Variants in GSE1 observed in about 807,000 individuals in gnomAD.
The protein encoded by GSE1 is Gse1 coiled-coil protein.
A neutral mutation model predicts 112.6 loss-of-function variants in GSE1; 32 were observed. The observed-to-expected ratio is 0.28, with a 90% CI of 0.21 to 0.38. GSE1 has a LOEUF of 0.38. Ranked by LOEUF, GSE1 falls within the 10% of genes least tolerant of loss-of-function variation. GSE1 has a pLI of 1.00. For missense variants in GSE1, 2,348 were observed against 1,699.2 expected, an observed-to-expected ratio of 1.38 and a Z score of -6.71; for synonymous variants, 1,115 against 735.6, an observed-to-expected ratio of 1.52 and a Z score of -8.35.
intron 8 of GSE1, among the ~76,000 whole-genome samples, chr16:85,658,784 G>T (rs2052185769): frequency 6.6e-6 from 1 of 150,834 alleles, no homozygotes; most frequent in African/African-American, 2.4e-5. Flanking sequence ...ACATCAGGGT[G>T]CCCTGACTCC....
intron 2 of GSE1, among the ~76,000 whole-genome samples, chr16:85,429,457 G>C (rs951220862): frequency 2.0e-5 from 3 of 152,204 alleles, no homozygotes; most frequent in African/African-American, 7.2e-5. Flanking sequence ...GCAGAGGCAG[G>C]CACAGCTGTG....
chr16:85,628,966 T>C (rs1381745122), intron 1 of GSE1, among the ~76,000 whole-genome samples: 2 of 152,114 alleles, frequency 1.3e-5, no homozygotes, highest in African/African-American at 4.8e-5. Context: ...AGTGATTGGA[T>C]CATGGGGGTG....
intron 2 of GSE1, among the ~76,000 whole-genome samples, chr16:85,447,523 G>T (rs901489738): frequency 6.6e-6 from 1 of 152,208 alleles, no homozygotes; most frequent in Non-Finnish European, 1.5e-5. Flanking sequence ...GCTGGCTCAC[G>T]CAGGTGCTCA....
chr16:85,372,859 G>A (rs2047332150), intron 2 of GSE1, among the ~76,000 whole-genome samples: 1 of 152,170 alleles, frequency 6.6e-6, no homozygotes, highest in Non-Finnish European at 1.5e-5. Flanking sequence ...CCTCCCCCTT[G>A]TTGCAGATGA....
intron 1 of GSE1, among the ~76,000 whole-genome samples, chr16:85,631,616 A>G (rs2049546124): frequency 1.3e-5 from 2 of 152,234 alleles, no homozygotes; most frequent in Non-Finnish European, 2.9e-5. Context: ...TGGGACTGGC[A>G]TCTGTCCTCG....
chr16:85,466,433 GC>G (rs2050123316), intron 2 of GSE1, among the ~76,000 whole-genome samples: 1 of 152,224 alleles, frequency 6.6e-6, no homozygotes, highest in East Asian at 1.9e-4. Context: ...GCCAGGCTCT[GC>G]CCCTGAGATT....
chr16:85,424,144 T>C (rs1178822470), intron 2 of GSE1, among the ~76,000 whole-genome samples: 1 of 152,264 alleles, frequency 6.6e-6, no homozygotes, highest in Non-Finnish European at 1.5e-5. Flanking sequence ...AAGAAAGCTC[T>C]TGTCCTCCTA....
In GSE1 at chr16:85,506,462, G is replaced by T. The variant is rs547994370; in HGVS notation, c.2465-127452G>T. On this transcript the variant is annotated intron_variant, in intron 2 of 2. Transcript: ENST00000637419. ...GGGTCCACCAGGGAGGGAGGGAAGG[G>T]TTCTTCCAGGAAAAGGGGGCAAGAC... 5.3e-5 allele frequency among the ~76,000 whole-genome samples: 8 copies of T among 152,156 alleles called. 1 individual carries two copies. Among genetic ancestry groups the T allele is most frequent in the Non-Finnish European group, 7.4e-5 (5 of 68,002 alleles).
chr16:85,196,028 C>G lies in GSE1; in HGVS notation c.2283+24221C>G, dbSNP rs927495758. On this transcript the variant is annotated intron_variant, in intron 1 of 2. Coordinates refer to the GSE1 transcript ENST00000637419. ...GGAGTCGGGGGCAGCACCCGATAAC[C>G]AAACACGGTCATGTTTCTGCTGCAA... 3.3e-5 allele frequency among the ~76,000 whole-genome samples: 5 copies of G among 152,304 alleles called. No individual in the cohort carries two copies. In the East Asian group the frequency reaches 9.6e-4, roughly 29 times the overall value.
intron 2 of GSE1, among the ~76,000 whole-genome samples, chr16:85,542,928 T>A (rs1290455518): frequency 1.3e-5 from 2 of 152,194 alleles, no homozygotes; most frequent in African/African-American, 2.4e-5. Flanking sequence ...GTAAATGCCC[T>A]TAAGAATGTC....
intron 1 of GSE1, among the ~76,000 whole-genome samples, chr16:85,195,607 C>T (rs573953240): frequency 2.0e-5 from 3 of 152,304 alleles, no homozygotes; most frequent in East Asian, 1.9e-4. Context: ...TTGGGTCCCC[C>T]CTGCTAATCC....
At chr16:85,496,151 G>A (rs1309041371) in intron 2 of GSE1, among the ~76,000 whole-genome samples, 3 of 152,194 alleles carry the variant, frequency 2.0e-5, no homozygotes, top group African/African-American at 4.8e-5. Flanking sequence ...CGAGCCTGCG[G>A]TGACAGTGAC....
chr16:85,633,327 G>A, intron 1 of GSE1, among the ~76,000 whole-genome samples: 1 of 152,154 alleles, frequency 6.6e-6, no homozygotes, highest in East Asian at 1.9e-4. Flanking sequence ...GGTCTGCCCT[G>A]AGTGCCCGCG....
intron 2 of GSE1, among the ~76,000 whole-genome samples, chr16:85,378,792 C>T (rs894840361): frequency 7.2e-5 from 11 of 152,144 alleles, no homozygotes; most frequent in African/African-American, 2.4e-4. Flanking sequence ...TCCCCACCTT[C>T]GTCCCTGTCC....
Position 85,646,141 on chromosome 16 carries a change from A to C in GSE1, c.227-2411A>C, listed in dbSNP as rs531173776. Among the ~76,000 whole-genome samples the C allele has an allele frequency of 3.4e-4, 37 of 108,882 alleles. 1 individual carries two copies. The highest frequency in any genetic ancestry group is 1.5e-3 in the African/African-American group (37 of 24,934). The allele number at this position is 108,882 out of a possible 152,430, so 71.4% of individuals were successfully genotyped here. A position where few individuals can be genotyped will look rare whatever the true frequency, so the allele number is the denominator to read the frequency against. ...CTTCTACCACGCTTCCTATGCATGC[A>C]TTCTACCTGCTTCTACCACGCTTCC... On this transcript the variant is annotated intron_variant, in intron 2 of 15. Transcript: ENST00000253458.
intron 1 of GSE1, among the ~76,000 whole-genome samples, chr16:85,227,735 C>CAT (rs2075513630): frequency 6.6e-6 from 1 of 152,210 alleles, no homozygotes; most frequent in African/African-American, 2.4e-5. Flanking sequence ...GGCTCTGGAG[C>CAT]ACCCACCATA....
chr16:85,236,157 G>T (rs1054946113), intron 1 of GSE1, among the ~76,000 whole-genome samples: 12 of 152,188 alleles, frequency 7.9e-5, no homozygotes, highest in African/African-American at 2.9e-4. Flanking sequence ...GGGCGGCCGG[G>T]CTCGGGTTTC....
chr16:85,429,647 T>C (rs2049073497), intron 2 of GSE1, among the ~76,000 whole-genome samples: 1 of 152,190 alleles, frequency 6.6e-6, no homozygotes, highest in South Asian at 2.1e-4. Flanking sequence ...TCTCCCTTGC[T>C]GGCTCTGCTC....
intron 1 of GSE1, among the ~76,000 whole-genome samples, chr16:85,597,568 C>G (rs1181596526): frequency 2.0e-5 from 3 of 152,098 alleles, no homozygotes; most frequent in African/African-American, 7.2e-5. Flanking sequence ...CTCCTGGCCT[C>G]AAGCAATCCT....
Sources: allele counts gnomAD v4.1 joint callset (sites outside exome capture counted in the v4.1 genomes callset), GRCh38; gene constraint gnomAD v4.1.1; transcripts MANE v1.5; gene names NCBI Gene and HGNC (gene_info 2026-07-23, HGNC 2026-07-21).